CNTNAP3: variants seen among roughly 807,000 people sequenced by gnomAD.
CNTNAP3 encodes the protein contactin-associated protein-like 3.
In CNTNAP3, 36 loss-of-function variants were observed where a neutral mutation model predicts 92.1. The observed-to-expected ratio is 0.39, with a 90% CI of 0.30 to 0.52. CNTNAP3 has a LOEUF of 0.52. Ranked by LOEUF, CNTNAP3 falls within the 20% of genes least tolerant of loss-of-function variation. The pLI is 0.76. For missense variants in CNTNAP3, 534 were observed against 1,069.6 expected, an observed-to-expected ratio of 0.50 and a Z score of 6.98; for synonymous variants, 232 against 422.3, an observed-to-expected ratio of 0.55 and a Z score of 5.53.
intron 16 of CNTNAP3, 132 bp downstream of exon 16, chr9:39,103,612 A>G: frequency 8.5e-7 from 1 of 1,171,304 alleles, no homozygotes. Flanking sequence ...ATTACCTAAA[A>G]TCATAGAAGT....
intron 14 of CNTNAP3, 149 bp downstream of exon 14, chr9:39,117,950 TTAAC>T: frequency 3.6e-6 from 5 of 1,407,666 alleles, no homozygotes; most frequent in Middle Eastern, 2.7e-4. Flanking sequence ...AATCCTTAGA[TTAAC>T]TGATCATATT....
rs1470872278 is a variant in CNTNAP3 at position 39,065,834 on chromosome 9, C to G, written c.*8056G>C. Among the ~76,000 whole-genome samples, 1 of 151,966 alleles carries G rather than the reference C, an allele frequency of 6.6e-6. No individual in the cohort carries two copies. Among genetic ancestry groups the G allele is most frequent in the Non-Finnish European group, 1.5e-5 (1 of 67,998 alleles). The stretch of plus-strand genomic sequence containing the variant: ...GCTAATTATTGAGTTGTTAAGAGTT[C>G]TTTATGAACTATATTCTGAAAAAAA... On this transcript the variant is annotated 3_prime_UTR_variant, in exon 24 of 24. Transcript: ENST00000297668.
chr9:39,093,291 T>C (rs1258535152), intron 18 of CNTNAP3, among the ~76,000 whole-genome samples: 1 of 146,020 alleles, frequency 6.8e-6, no homozygotes, highest in Non-Finnish European at 1.5e-5. Flanking sequence ...TTCACTTTCC[T>C]TCTGACTTAT....
intron 18 of CNTNAP3, 119 bp from the exon 19 acceptor site, chr9:39,088,766 A>G: frequency 1.0e-6 from 1 of 966,906 alleles, no homozygotes; most frequent in Non-Finnish European, 1.5e-6. Context: ...AGTAATAGTG[A>G]AATCCTTTCC....
chr9:39,112,510 C>T (rs535523815), intron 14 of CNTNAP3, among the ~76,000 whole-genome samples: 38 of 152,202 alleles, frequency 2.5e-4, no homozygotes, highest in Admixed American at 1.6e-3. Context: ...GGATTACAGG[C>T]GTGCGCCACT....
At chr9:39,116,538 A>G (rs1221005708) in intron 14 of CNTNAP3, among the ~76,000 whole-genome samples, 1 of 152,236 alleles carries the variant, frequency 6.6e-6, no homozygotes, top group East Asian at 1.9e-4. Flanking sequence ...ACTCATGGGA[A>G]ATTACTTCAG....
intron 13 of CNTNAP3, among the ~76,000 whole-genome samples, chr9:39,126,973 C>T (rs181065730): frequency 6.6e-5 from 10 of 151,534 alleles, no homozygotes; most frequent in East Asian, 3.9e-4. Context: ...TTTCAAATGC[C>T]GATGAAACAT....
chr9:39,075,299 A>G (rs1825730693), intron 23 of CNTNAP3, among the ~76,000 whole-genome samples: 1 of 151,246 alleles, frequency 6.6e-6, no homozygotes. Flanking sequence ...CCTGGATACC[A>G]GTATCTTTAT....
intron 7 of CNTNAP3, 110 bp downstream of exon 7, chr9:39,175,835 AAAGT>A (rs1387508178): frequency 1.5e-5 from 1 of 68,150 alleles, no homozygotes; most frequent in Admixed American, 1.7e-4. Context: ...GGCAGCTGTT[AAAGT>A]AAGAACTGAT....
rs1290498176 is a variant in CNTNAP3 at position 39,070,404 on chromosome 9, C to T, written c.*3486G>A. On this transcript the variant is annotated 3_prime_UTR_variant, in exon 24 of 24. Transcript: ENST00000297668. Reference sequence around the variant, plus strand: ...AGGTCATTATGTTAAGTGAAATAGGCCAGGCATAGAAAGACAAACATTGCC... The same window carrying T: ...AGGTCATTATGTTAAGTGAAATAGGTCAGGCATAGAAAGACAAACATTGCC... Among the ~76,000 whole-genome samples, 1 of 140,034 alleles carries T rather than the reference C, an allele frequency of 7.1e-6. No homozygotes were observed. Among genetic ancestry groups the T allele is most frequent in the African/African-American group, 2.8e-5 (1 of 36,298 alleles). The allele number at this position is 140,034 out of a possible 152,430, so 91.9% of individuals were successfully genotyped here.
At chr9:39,105,086 G>C (rs1826566512) in intron 15 of CNTNAP3, among the ~76,000 whole-genome samples, 1 of 152,134 alleles carries the variant, frequency 6.6e-6, no homozygotes, top group African/African-American at 2.4e-5. Flanking sequence ...GATCTTCTAA[G>C]CTCTGTCATT....
chr9:39,115,984 G>A lies in CNTNAP3; in HGVS notation c.2237+2119C>T, dbSNP rs555095862. Among the ~76,000 whole-genome samples the A allele has an allele frequency of 3.8e-4, 58 of 152,094 alleles. 1 individual carries two copies. In the East Asian group the frequency reaches 7.0e-3, roughly 18 times the overall value. On this transcript the variant is annotated intron_variant, in intron 14 of 23. Transcript: ENST00000297668. The stretch of plus-strand genomic sequence containing the variant: ...CCAGCCTGGCCAATAGTGAAACCCA[G>A]TCTCTACTAAAAATACAAAAATTAG...
intron 14 of CNTNAP3, among the ~76,000 whole-genome samples, chr9:39,111,013 T>C (rs117178058): frequency 0.1 from 15,152 of 152,154 alleles, 820 homozygotes; most frequent in African/African-American, 0.15. Flanking sequence ...AACACTTTTG[T>C]ATTTTCAAAA....
At chr9:39,075,086 C>T (rs1192636318) in intron 23 of CNTNAP3, among the ~76,000 whole-genome samples, 3 of 152,190 alleles carry the variant, frequency 2.0e-5, no homozygotes, top group Non-Finnish European at 4.4e-5. Context: ...ACTTCTCAAA[C>T]GCAGTAGTGT....
At chr9:39,124,953 T>G (rs1587720348) in intron 13 of CNTNAP3, among the ~76,000 whole-genome samples, 1 of 152,242 alleles carries the variant, frequency 6.6e-6, no homozygotes, top group South Asian at 2.1e-4. Context: ...AGTGTTGCGA[T>G]TCCTCATGGA....
At chr9:39,146,086 CCAA>C (rs1689629319) in intron 10 of CNTNAP3, among the ~76,000 whole-genome samples, 1 of 152,056 alleles carries the variant, frequency 6.6e-6, no homozygotes, top group African/African-American at 2.4e-5. Flanking sequence ...CTAGAGACTA[CCAA>C]CAAGTATACA....
chr9:39,097,748 G>A (rs1826359496), intron 18 of CNTNAP3, among the ~76,000 whole-genome samples: 1 of 144,260 alleles, frequency 6.9e-6, no homozygotes, highest in African/African-American at 2.5e-5. Context: ...CTGAGCTAGG[G>A]ATGGGGAGGT....
At chr9:39,091,171 C>CTTTTTTTTTTT (rs201329360) in intron 18 of CNTNAP3, among the ~76,000 whole-genome samples, 139 of 128,174 alleles carry the variant, frequency 1.1e-3, no homozygotes, top group Non-Finnish European at 1.4e-3. Flanking sequence ...TTTTCTTCTT[C>CTTTTTTTTTTT]TTTTTTTTTT....
At position 39,159,654 on chromosome 9, in the gene CNTNAP3, A is replaced by C. The variant is rs1822041107; in HGVS notation, c.1477+6279T>G. On this transcript the variant is annotated intron_variant, in intron 9 of 23. Transcript: ENST00000297668. ...GAGATAGATAGATAGATAGATAGAT[A>C]GATAGATAGATAGATAGATATATGT... is the stretch of plus-strand genomic sequence containing the variant. The C allele has an allele frequency of 1.4e-5, 2 of 141,842 alleles. 1 individual carries two copies. The highest frequency in any genetic ancestry group is 3.0e-5 in the Non-Finnish European group (2 of 66,110). 8.8% of individuals were successfully genotyped at this position (141,842 alleles called of 1,614,324 possible).
Sources: gnomAD v4.1 joint callset for allele counts (sites outside exome capture counted in the v4.1 genomes callset) on GRCh38, gnomAD v4.1.1 for gene constraint, MANE v1.5 for transcripts, NCBI Gene and HGNC (gene_info 2026-07-23, HGNC 2026-07-21) for gene names.